Variants in RAD23B observed in about 807,000 individuals in gnomAD.
RAD23B encodes lysine-specific demethylase RAD23B.
A neutral mutation model predicts 49.1 loss-of-function variants in RAD23B; 5 were observed. The observed-to-expected ratio is 0.10, with a 90% CI of 0.05 to 0.21. The LOEUF (loss-of-function observed/expected upper bound fraction) is 0.21, where lower values mean the gene tolerates loss of function less well. RAD23B is among the 10% of genes least tolerant of loss of function. The pLI is 1.00. For synonymous variants in RAD23B, 184 were observed against 165.4 expected (o/e 1.11, Z -0.86); for missense variants, 356 against 486.7 (o/e 0.73, Z 2.53).
intron 5 of RAD23B, among the ~76,000 whole-genome samples, chr9:107,317,077 G>A (rs1322475115): frequency 7.3e-6 from 1 of 136,148 alleles, no homozygotes; most frequent in Admixed American, 7.5e-5. Context: ...AAAATGAGGG[G>A]TTTTGCGCAC....
intron 9 of RAD23B, among the ~76,000 whole-genome samples, chr9:107,325,820 T>A (rs1827192731): frequency 6.6e-6 from 1 of 152,218 alleles, no homozygotes. Context: ...TGGTTCTTGA[T>A]CTTAAGGGAA....
chr9:107,302,028 G>A lies in RAD23B; in HGVS notation c.149-7G>A, dbSNP rs759822018. 1.2e-5 allele frequency: 19 copies of A among 1,608,944 alleles called. No individual in the cohort carries two copies. Among genetic ancestry groups the A allele is most frequent in the African/African-American group, 2.7e-5 (2 of 74,458 alleles). ...TTAAATGATTTTTTTTTCTCTTAAT[G>A]TATTAGGCAAAATCCTCAATGATGA... On this transcript the variant is annotated splice_polypyrimidine_tract_variant and splice_region_variant and intron_variant, in intron 2 of 9. Coordinates refer to ENST00000358015, the MANE Select transcript of RAD23B (RefSeq NM_002874.5).
Position 107,318,424 on chromosome 9 carries a change from T to C in RAD23B, c.554-328T>C, listed in dbSNP as rs563647369. 2.6e-5 allele frequency among the ~76,000 whole-genome samples: 4 copies of C among 152,178 alleles called. No homozygotes were observed. Among genetic ancestry groups the C allele is most frequent in the Non-Finnish European group, 4.4e-5 (3 of 68,014 alleles). On this transcript the variant is annotated intron_variant, in intron 5 of 9. Coordinates refer to ENST00000358015, the MANE Select transcript of RAD23B (RefSeq NM_002874.5). This position sits in a 1 kb window ranked among gnomAD's most constrained non-coding sequence, Gnocchi z 4.3. ...TCTCATCTGCCTCCTCCTACTACTA[T>C]TAAGGATTCATGTCATTACACTGGA...
intron 8 of RAD23B, 129 bp from the exon 9 acceptor site, chr9:107,324,705 T>C (rs925662772): frequency 2.0e-5 from 18 of 917,520 alleles, no homozygotes; most frequent in Non-Finnish European, 2.8e-5. Flanking sequence ...AAAGACTGAA[T>C]AATCCAGAAT....
chr9:107,296,754 T>C (rs1826532559), intron 1 of RAD23B, among the ~76,000 whole-genome samples: 1 of 152,000 alleles, frequency 6.6e-6, no homozygotes. Context: ...AGGCTGGCCT[T>C]GAGCTCCTGG....
At chr9:107,312,012 T>C (rs1826898426) in intron 5 of RAD23B, among the ~76,000 whole-genome samples, 1 of 152,244 alleles carries the variant, frequency 6.6e-6, no homozygotes, top group East Asian at 1.9e-4. Flanking sequence ...GATCCTAACA[T>C]GGTTGATCTG....
chr9:107,290,245 G>A (rs534018441), intron 1 of RAD23B, among the ~76,000 whole-genome samples: 4 of 152,122 alleles, frequency 2.6e-5, no homozygotes, highest in Admixed American at 6.5e-5. Flanking sequence ...AATTGTGGGC[G>A]GTGCTATCTA....
intron 5 of RAD23B, among the ~76,000 whole-genome samples, chr9:107,315,740 C>G (rs966125933): frequency 6.6e-6 from 1 of 152,026 alleles, no homozygotes; most frequent in Non-Finnish European, 1.5e-5. Context: ...TCTCGAACTC[C>G]TGATCTTAGG....
At position 107,322,089 on chromosome 9, in the gene RAD23B, C is replaced by T; in HGVS notation, c.788C>T (p.Thr263Ile). The T allele has an allele frequency of 6.2e-7, 1 of 1,609,540 alleles. No individual in the cohort carries two copies. Among genetic ancestry groups the T allele is most frequent in the Non-Finnish European group, 8.5e-7 (1 of 1,177,692 alleles). Residue 263 changes from threonine (T) to isoleucine (I), a missense_variant, in exon 7 of 10, where the codon ACA becomes ATA. Physicochemically the swap from Thr to Ile is moderately conservative, Grantham distance 89 (BLOSUM62 -1). This residue lies in a region of RAD23B where 148 missense variants were observed against 231.7 expected (regional missense o/e 0.64). Coordinates refer to ENST00000358015, the MANE Select transcript of RAD23B (RefSeq NM_002874.5). ...GTGGCTGCAGCTGCAGCAACTACGA[C>T]AGCAACAACTACAACAACAAGTTCT... ...SAVAAAAATT[T>I]ATTTTTSSGG...
chr9:107,331,427 C>G lies in RAD23B; in HGVS notation c.*1771C>G, dbSNP rs995924236. ...CTGAGGCATGAGAATTGCTTGAACCCGGGAAGTGAAGGTTGCCGTGAGCTG... is the reference window on the plus strand; with the variant it reads ...CTGAGGCATGAGAATTGCTTGAACCGGGGAAGTGAAGGTTGCCGTGAGCTG... On this transcript the variant is annotated 3_prime_UTR_variant, in exon 10 of 10. Coordinates refer to ENST00000358015, the MANE Select transcript of RAD23B (RefSeq NM_002874.5). 6 of 390,140 alleles carry G rather than the reference C, an allele frequency of 1.5e-5. No homozygotes were observed. Among genetic ancestry groups the G allele is most frequent in the African/African-American group, 6.2e-5 (3 of 48,344 alleles). 24.2% of individuals were successfully genotyped at this position (390,140 alleles called of 1,614,324 possible).
intron 1 of RAD23B, among the ~76,000 whole-genome samples, chr9:107,292,229 T>C (rs1166153994): frequency 1.3e-5 from 2 of 152,230 alleles, no homozygotes; most frequent in African/African-American, 4.8e-5. Context: ...ATTTCTCCTT[T>C]GTGGATGTTT....
Position 107,311,733 on chromosome 9 carries a change from A to T in RAD23B, c.549A>T (p.Ala183=). The change falls in exon 5 of 10, where the codon GCA becomes GCT. Residue 183 remains alanine (A), a synonymous_variant. Transcript: ENST00000358015. ...RSNLFEDATS[A]LVTGQSYENM... ...ACCTTTTTGAAGATGCAACGAGTGC[A>T]CTTGGTAAGTATCTGCTTTTCCTTA... 6.4e-7 allele frequency: 1 copy of T among 1,570,370 alleles called. No individual in the cohort carries two copies.
At chr9:107,316,015 ATT>A (rs112565231) in intron 5 of RAD23B, among the ~76,000 whole-genome samples, 5 of 143,670 alleles carry the variant, frequency 3.5e-5, no homozygotes, top group Admixed American at 6.9e-5. Flanking sequence ...ACTTTTACGA[ATT>A]TTTTTTTTTT....
At chr9:107,324,447 C>G (rs11573717) in intron 8 of RAD23B, among the ~76,000 whole-genome samples, 1 of 152,134 alleles carries the variant, frequency 6.6e-6, no homozygotes, top group Non-Finnish European at 1.5e-5. Flanking sequence ...GTGATCAGAT[C>G]ACCAAGTATT....
intron 9 of RAD23B, among the ~76,000 whole-genome samples, chr9:107,327,334 A>G (rs1231777432): frequency 6.6e-6 from 1 of 150,758 alleles, no homozygotes; most frequent in African/African-American, 2.4e-5. Flanking sequence ...GGTTAGGTTT[A>G]GTTTAGTTCT....
intron 5 of RAD23B, among the ~76,000 whole-genome samples, chr9:107,317,183 CAG>C (rs1373445597): frequency 8.5e-5 from 13 of 152,060 alleles, no homozygotes; most frequent in Non-Finnish European, 1.3e-4. Context: ...GAGTTGGAAA[CAG>C]GGTGTAATCC....
chr9:107,287,893 A>G (rs559383856), intron 1 of RAD23B, among the ~76,000 whole-genome samples: 3 of 151,632 alleles, frequency 2.0e-5, no homozygotes, highest in African/African-American at 7.3e-5. Context: ...CTTGCTCTGT[A>G]TTATACAGTA....
intron 6 of RAD23B, among the ~76,000 whole-genome samples, chr9:107,319,220 T>A (rs749333973): frequency 2.7e-4 from 37 of 136,788 alleles, no homozygotes; most frequent in Admixed American, 4.1e-4. Flanking sequence ...AAGCTCCACC[T>A]CCCAGGTTCA....
At chr9:107,310,348 T>C (rs891553916) in intron 4 of RAD23B, among the ~76,000 whole-genome samples, 5 of 152,110 alleles carry the variant, frequency 3.3e-5, no homozygotes, top group African/African-American at 1.2e-4. Context: ...AAAAAAATTA[T>C]AACAGGAAAG....
Sources: allele counts gnomAD v4.1 joint callset (sites outside exome capture counted in the v4.1 genomes callset), GRCh38; gene constraint gnomAD v4.1.1; regional missense constraint gnomAD v4.1.1; non-coding constraint Gnocchi (gnomAD v3.1); transcripts MANE v1.5; gene names NCBI Gene and HGNC (gene_info 2026-07-23, HGNC 2026-07-21).